The following USP24 variants were observed in gnomAD, a reference collection of about 807,000 sequenced individuals.
The protein encoded by USP24 is ubiquitin specific peptidase 24.
In USP24, 97 loss-of-function variants were observed where a neutral mutation model predicts 361.6. The observed-to-expected ratio is 0.27, with a 90% CI of 0.23 to 0.32. The LOEUF (loss-of-function observed/expected upper bound fraction) is 0.32, where lower values mean the gene tolerates loss of function less well. Ranked by LOEUF, USP24 falls within the 10% of genes least tolerant of loss-of-function variation. The probability of loss-of-function intolerance (pLI) is 1.00; values close to 1 mark genes in which losing one functional copy is unlikely to be tolerated. For missense variants in USP24, 2,353 were observed against 3,165.6 expected (o/e 0.74, Z 6.16); for synonymous variants, 1,098 against 1,124.6 (o/e 0.98, Z 0.47).
intron 7 of USP24, 54 bp from the exon 8 acceptor site, chr1:55,162,318 C>G (rs1648374872): frequency 2.8e-6 from 4 of 1,419,452 alleles, no homozygotes; most frequent in Non-Finnish European, 3.7e-6. Context: ...TTTTTCCTGT[C>G]AAAATTAAAC....
intron 60 of USP24, 36 bp from the exon 61 acceptor site, chr1:55,078,687 T>G: frequency 6.5e-7 from 1 of 1,533,752 alleles, no homozygotes; most frequent in Non-Finnish European, 8.8e-7. Flanking sequence ...GCTATTCTCA[T>G]GTCACAGTTA....
chr1:55,189,746 G>C (rs544751896), intron 1 of USP24, among the ~76,000 whole-genome samples: 7 of 152,174 alleles, frequency 4.6e-5, no homozygotes, highest in Admixed American at 4.6e-4. Context: ...ACAAAAATGA[G>C]TTCAATGATT....
At chr1:55,079,961 C>G (rs553368299) in intron 59 of USP24, among the ~76,000 whole-genome samples, 1 of 152,152 alleles carries the variant, frequency 6.6e-6, no homozygotes, top group East Asian at 1.9e-4. Context: ...AGTACTCACA[C>G]AGCGGATCCC....
In USP24 at chr1:55,134,118, AT is replaced by A; in HGVS notation, c.3332del (p.Asp1111ValfsTer14). On this transcript the variant is annotated frameshift_variant, in exon 30 of 68. Coordinates refer to ENST00000294383, the MANE Select transcript of USP24 (RefSeq NM_015306.3). LOFTEE classifies it high-confidence loss of function. ...VRKLLLLIPTDPAIQEALDQL... is the reference protein window; with the variant it reads ...VRKLLLLIPTXPAIQEALDQL... ...GATCAAGGGCTTCCTGAATGGCTGG[AT>A]CAGTGGGTATCAAGAGCAGAAGCTT... is the stretch of plus-strand genomic sequence containing the variant. 1 of 1,613,806 alleles carries A rather than the reference AT, an allele frequency of 6.2e-7. No homozygotes were observed. The highest frequency in any genetic ancestry group is 8.5e-7 in the Non-Finnish European group (1 of 1,179,806).
At chr1:55,156,699 T>A (rs1570567908) in intron 12 of USP24, among the ~76,000 whole-genome samples, 1 of 152,184 alleles carries the variant, frequency 6.6e-6, no homozygotes, top group East Asian at 1.9e-4. Flanking sequence ...CTAACTGCTA[T>A]ATGACCTTCT....
At position 55,137,547 on chromosome 1, in the gene USP24, C is replaced by A; in HGVS notation, c.3169G>T (p.Gly1057Trp). 1 of 1,613,360 alleles carries A rather than the reference C, an allele frequency of 6.2e-7. No homozygotes were observed. The highest frequency in any genetic ancestry group is 8.5e-7 in the Non-Finnish European group (1 of 1,179,644). ...SSTSSSSSSS[G>W]VFSSSYAMEQ... ...ATGGCATATGAAGAACTAAAAACCCCACTGCTGCTGCTGCTGGAGCTGGTT... is the reference window on the plus strand; with the variant it reads ...ATGGCATATGAAGAACTAAAAACCCAACTGCTGCTGCTGCTGGAGCTGGTT... Residue 1057 changes from glycine (G) to tryptophan (W), a missense_variant, in exon 28 of 68, where the codon GGG (glycine) becomes TGG (tryptophan). Gly to Trp is a radical substitution (Grantham distance 184). Transcript: ENST00000294383.
chr1:55,130,644 G>A (rs1646563818), intron 31 of USP24, among the ~76,000 whole-genome samples: 1 of 152,086 alleles, frequency 6.6e-6, no homozygotes, highest in South Asian at 2.1e-4. Context: ...AGCATTACAT[G>A]GGAGAAAAGG....
chr1:55,163,771 A>G (rs969147280), intron 7 of USP24, among the ~76,000 whole-genome samples: 1 of 152,050 alleles, frequency 6.6e-6, no homozygotes, highest in Non-Finnish European at 1.5e-5. Context: ...GATTTTTTGA[A>G]CAAAATGAGG....
At chr1:55,133,248 G>A (rs1211036365) in intron 30 of USP24, among the ~76,000 whole-genome samples, 1 of 152,040 alleles carries the variant, frequency 6.6e-6, no homozygotes, top group Admixed American at 6.5e-5. Context: ...TTATAGATAC[G>A]ACACAATTTC....
Position 55,072,781 on chromosome 1 carries a change from G to A in USP24, c.7602+5C>T. On this transcript the variant is annotated splice_donor_5th_base_variant and intron_variant, in intron 65 of 67. Coordinates refer to ENST00000294383, the MANE Select transcript of USP24 (RefSeq NM_015306.3). ...TACAGCTAGAAAAATTCAATGTTCAGTTACCTTCTTCTGTAGCCACTGCAC... is the reference window on the plus strand; with the variant it reads ...TACAGCTAGAAAAATTCAATGTTCAATTACCTTCTTCTGTAGCCACTGCAC... 2 of 1,591,116 alleles carry A rather than the reference G, an allele frequency of 1.3e-6. No homozygotes were observed. The highest frequency in any genetic ancestry group is 1.7e-6 in the Non-Finnish European group (2 of 1,168,670).
intron 66 of USP24, 64 bp from the exon 67 acceptor site, chr1:55,071,988 AG>A: frequency 7.2e-7 from 1 of 1,385,144 alleles, no homozygotes; most frequent in Non-Finnish European, 1.0e-6. Flanking sequence ...AGCAACCGCC[AG>A]GGAAGACTAC....
intron 1 of USP24, among the ~76,000 whole-genome samples, chr1:55,210,552 T>C (rs1644824169): frequency 6.6e-6 from 1 of 152,168 alleles, no homozygotes; most frequent in Admixed American, 6.5e-5. Flanking sequence ...ATTATACACA[T>C]TGACAGTATT....
At chr1:55,207,702 G>A (rs1644746679) in intron 1 of USP24, among the ~76,000 whole-genome samples, 1 of 152,204 alleles carries the variant, frequency 6.6e-6, no homozygotes, top group Non-Finnish European at 1.5e-5. Context: ...GAGCATGGTG[G>A]GGTGGTATCC....
chr1:55,146,971 C>T lies in USP24; in HGVS notation c.2208G>A (p.Glu736=). The change falls in exon 19 of 68, where the codon GAG becomes GAA. Residue 736 remains glutamate (E), a synonymous_variant. Transcript: ENST00000294383. ...LGWNRAKEIW[E]CLVTGQDVCE... is the part of the protein sequence containing the mutation. The stretch of plus-strand genomic sequence containing the variant: ...AAACATCCTGGCCAGTTACAAGACA[C>T]TCCCAGATCTCCTTGGCACGATTCC... The T allele has an allele frequency of 1.2e-6, 2 of 1,611,576 alleles. No homozygotes were observed. Among genetic ancestry groups the T allele is most frequent in the Non-Finnish European group, 1.7e-6 (2 of 1,178,778 alleles).
intron 1 of USP24, among the ~76,000 whole-genome samples, chr1:55,204,878 G>A (rs1009679738): frequency 3.3e-5 from 5 of 152,118 alleles, no homozygotes; most frequent in African/African-American, 1.2e-4. Context: ...ATTTGAATTT[G>A]ATCTAAACCA....
At chr1:55,161,724 C>A (rs1557654194) in intron 8 of USP24, among the ~76,000 whole-genome samples, 1 of 152,140 alleles carries the variant, frequency 6.6e-6, no homozygotes, top group Admixed American at 6.5e-5. Flanking sequence ...ACAGCTTTGA[C>A]TGTTCTATGA....
intron 1 of USP24, 58 bp from the exon 2 acceptor site, chr1:55,178,190 A>C: frequency 6.5e-7 from 1 of 1,539,162 alleles, no homozygotes; most frequent in Non-Finnish European, 8.8e-7. Context: ...TTACTCTAAA[A>C]ATTTCCTATG....
chr1:55,097,886 G>A lies in USP24; in HGVS notation c.5595+57C>T, dbSNP rs527795537. 33 of 1,545,414 alleles carry A rather than the reference G, an allele frequency of 2.1e-5. No homozygotes were observed. The African/African-American group carries it at 4.1e-4, about 19-fold the overall frequency. Reference sequence around the variant, plus strand: ...TAATACTGATTTTACATAAAACAAAGACGCACTATGCGAATAACAAATTAA... The same window carrying A: ...TAATACTGATTTTACATAAAACAAAAACGCACTATGCGAATAACAAATTAA... On this transcript the variant is annotated intron_variant, in intron 47 of 67. Coordinates refer to ENST00000294383, the MANE Select transcript of USP24 (RefSeq NM_015306.3).
chr1:55,129,367 A>G (rs1470958158), intron 32 of USP24, 110 bp downstream of exon 32: 2 of 711,876 alleles, frequency 2.8e-6, no homozygotes, highest in East Asian at 2.8e-5. Context: ...AACTCTCACA[A>G]TGAGTCATAT....
Sources: allele counts gnomAD v4.1 joint callset (sites outside exome capture counted in the v4.1 genomes callset), GRCh38; gene constraint gnomAD v4.1.1; transcripts MANE v1.5; gene names NCBI Gene and HGNC (gene_info 2026-07-23, HGNC 2026-07-21).